The following EVI5L variants were observed in gnomAD, a reference collection of about 807,000 sequenced individuals.
The protein encoded by EVI5L is ecotropic viral integration site 5 like.
EVI5L carries 30 observed loss-of-function variants against 106.1 expected under a neutral mutation model. That is an observed-to-expected ratio of 0.28 (90% CI 0.21 to 0.38). The LOEUF (loss-of-function observed/expected upper bound fraction) is 0.38. Among genes scored for constraint, EVI5L ranks in the 10% least tolerant of loss-of-function variants. The probability of loss-of-function intolerance (pLI) is 1.00; values close to 1 mark genes in which losing one functional copy is unlikely to be tolerated. For missense variants in EVI5L, 809 were observed against 1,098.0 expected, an observed-to-expected ratio of 0.74 and a Z score of 3.72; for synonymous variants, 489 against 483.3, an observed-to-expected ratio of 1.01 and a Z score of -0.15.
intron 1 of EVI5L, among the ~76,000 whole-genome samples, chr19:7,840,402 C>T (rs1224834875): frequency 2.6e-5 from 4 of 152,074 alleles, no homozygotes; most frequent in South Asian, 2.1e-4. Context: ...TGCTTGAACC[C>T]GGGAGGTGGA....
chr19:7,859,179 A>G (rs1599578431), intron 13 of EVI5L: 1 of 143,598 alleles, frequency 7.0e-6, no homozygotes, highest in Middle Eastern at 3.5e-3. Context: ...TGACAGAGCA[A>G]GACTCCATCT....
At position 7,849,067 on chromosome 19, in the gene EVI5L, C is replaced by A. The variant is rs1457659109; in HGVS notation, c.474C>A (p.Ile158=). ...GCGAGAAGCTGATCCGCAGGGACAT[C>A]GCCCGCACCTACCCGGAACATGAGT... ...SPCEKLIRRD[I]ARTYPEHEFF... is the part of the protein sequence containing the mutation. Residue 158 remains isoleucine (I), a synonymous_variant, in exon 4 of 20, where the codon ATC becomes ATA. Coordinates refer to ENST00000538904, the MANE Select transcript of EVI5L (RefSeq NM_001159944.3). The A allele has an allele frequency of 1.2e-6, 2 of 1,612,402 alleles. No homozygotes were observed. Among genetic ancestry groups the A allele is most frequent in the East Asian group, 4.5e-5 (2 of 44,818 alleles).
At position 7,858,607 on chromosome 19, in the gene EVI5L, G is replaced by C. The variant is rs184373801; in HGVS notation, c.1374+276G>C. 4.0e-6 allele frequency: 2 copies of C among 495,662 alleles called. No homozygotes were observed. Among genetic ancestry groups the C allele is most frequent in the Non-Finnish European group, 7.2e-6 (2 of 278,970 alleles). The allele number at this position is 495,662 out of a possible 1,614,324, so 30.7% of individuals were successfully genotyped here. ...CTCAGCACGGAGGCCTCTGAAGACC[G>C]GGCTGTCCCTGCAGGGTTTCCTCTG... On this transcript the variant is annotated intron_variant, in intron 13 of 19. Coordinates refer to ENST00000538904, the MANE Select transcript of EVI5L (RefSeq NM_001159944.3). This position sits in a 1 kb window ranked among gnomAD's most constrained non-coding sequence, Gnocchi z 5.7.
At position 7,844,511 on chromosome 19, in the gene EVI5L, C is replaced by G. The variant is rs1390445024; in HGVS notation, c.-47-1985C>G. Among the ~76,000 whole-genome samples, 4 of 152,306 alleles carry G rather than the reference C, an allele frequency of 2.6e-5. No individual in the cohort carries two copies. In the East Asian group the frequency reaches 7.7e-4, roughly 29 times the overall value. On this transcript the variant is annotated intron_variant, in intron 1 of 19. Coordinates refer to ENST00000538904, the MANE Select transcript of EVI5L (RefSeq NM_001159944.3). ...CCACCTCCTCCCCATTCTCCCAGCT[C>G]TGAAGCTACCCTCCCAGCCCCTCCC...
At chr19:7,853,400 A>G in intron 10 of EVI5L, 67 bp downstream of exon 10, 7 of 1,559,182 alleles carry the variant, frequency 4.5e-6, no homozygotes, top group South Asian at 1.2e-5. Flanking sequence ...TCCGTACTCT[A>G]AAGATCGGCC....
At chr19:7,837,014 A>G (rs1978369289) in intron 1 of EVI5L, among the ~76,000 whole-genome samples, 1 of 151,912 alleles carries the variant, frequency 6.6e-6, no homozygotes, top group Non-Finnish European at 1.5e-5. Context: ...CCTGGGCAGC[A>G]GAGTGAGACC....
rs180885665 is a variant in EVI5L at position 7,832,471 on chromosome 19, T to C, written c.-48+2090T>C. On this transcript the variant is annotated intron_variant, in intron 1 of 19. Transcript: ENST00000538904. ...GCTCATTGCGGCTCAGTACCTCAAC[T>C]TCCCCATCGGAAACTGGGGTGCGGG... Among the ~76,000 whole-genome samples the C allele has an allele frequency of 8.5e-3, 1,298 of 152,322 alleles. 16 individuals carry two copies. The highest frequency in any genetic ancestry group is 0.012 in the Non-Finnish European group (843 of 68,030).
intron 1 of EVI5L, among the ~76,000 whole-genome samples, chr19:7,833,435 C>G (rs1219335950): frequency 6.6e-6 from 1 of 152,264 alleles, no homozygotes; most frequent in Non-Finnish European, 1.5e-5. Context: ...CAGCACGCGC[C>G]CTTGCCATCC....
intron 14 of EVI5L, among the ~76,000 whole-genome samples, 167 bp from the exon 15 acceptor site, chr19:7,861,711 C>T (rs1464958350): frequency 1.3e-5 from 2 of 152,242 alleles, no homozygotes; most frequent in East Asian, 3.9e-4. Context: ...CAACCGGGTT[C>T]CACAGGCGAG....
In EVI5L at chr19:7,848,897, C is replaced by A; in HGVS notation, c.328-24C>A. On this transcript the variant is annotated intron_variant, in intron 3 of 19. Coordinates refer to ENST00000538904, the MANE Select transcript of EVI5L (RefSeq NM_001159944.3). This position sits in a 1 kb window ranked among gnomAD's most constrained non-coding sequence, Gnocchi z 4.8. ...GGCTGCGCTGGGACCGAGTCCAGCC[C>A]CCGCTTCCCGCTCCCGTGGCCAGGA... The A allele has an allele frequency of 6.3e-7, 1 of 1,598,920 alleles. No homozygotes were observed. The highest frequency in any genetic ancestry group is 1.7e-5 in the Admixed American group (1 of 59,572).
In EVI5L at chr19:7,853,079, C is replaced by T. The variant is rs371830480; in HGVS notation, c.988-7C>T. 4.2e-5 allele frequency: 68 copies of T among 1,613,484 alleles called. No homozygotes were observed. Among genetic ancestry groups the T allele is most frequent in the Non-Finnish European group, 5.3e-5 (63 of 1,179,992 alleles). Reference sequence around the variant, plus strand: ...TGGTGACCAGGTGACCGGCTGTGTCCCCACAGTACTTCCAGAGAGTGATCC... The same window carrying T: ...TGGTGACCAGGTGACCGGCTGTGTCTCCACAGTACTTCCAGAGAGTGATCC... On this transcript the variant is annotated splice_region_variant and splice_polypyrimidine_tract_variant and intron_variant, in intron 8 of 19. Transcript: ENST00000538904.
At chr19:7,853,567 C>G (rs1161457250) in intron 10 of EVI5L, 1 of 597,536 alleles carries the variant, frequency 1.7e-6, no homozygotes, top group East Asian at 2.8e-5. Flanking sequence ...CCCTGCCCCG[C>G]TGGGCCGCCC....
At position 7,845,754 on chromosome 19, in the gene EVI5L, C is replaced by T. The variant is rs544652135; in HGVS notation, c.-47-742C>T. Among the ~76,000 whole-genome samples the T allele has an allele frequency of 1.2e-4, 19 of 152,284 alleles. 2 individuals carry two copies. Among genetic ancestry groups the T allele is most frequent in the Admixed American group, 5.9e-4 (9 of 15,304 alleles). On this transcript the variant is annotated intron_variant, in intron 1 of 19. Coordinates refer to ENST00000538904, the MANE Select transcript of EVI5L (RefSeq NM_001159944.3). The surrounding 1 kb of genome is among the most constrained non-coding windows in gnomAD (Gnocchi z 4.0). Reference sequence around the variant, plus strand: ...GTGTCCTTGAAGCCCCCAGAAGGGTCGGGCCAGATGACACGGCAAAAAGAT... The same window carrying T: ...GTGTCCTTGAAGCCCCCAGAAGGGTTGGGCCAGATGACACGGCAAAAAGAT...
intron 1 of EVI5L, among the ~76,000 whole-genome samples, chr19:7,844,926 A>G (rs1319958363): frequency 6.6e-6 from 1 of 152,204 alleles, no homozygotes; most frequent in African/African-American, 2.4e-5. Flanking sequence ...GCCAGGGTCA[A>G]GTCCATCCAA....
intron 1 of EVI5L, among the ~76,000 whole-genome samples, chr19:7,843,043 G>A (rs1978724243): frequency 6.7e-6 from 1 of 148,886 alleles, no homozygotes; most frequent in African/African-American, 2.5e-5. Flanking sequence ...TGAGAGAATA[G>A]GCATGGCTGT....
At chr19:7,843,774 G>A (rs1427635678) in intron 1 of EVI5L, among the ~76,000 whole-genome samples, 2 of 152,010 alleles carry the variant, frequency 1.3e-5, no homozygotes, top group East Asian at 3.8e-4. Context: ...GTGAATGTGT[G>A]TACATGCGTG....
rs1040174495 is a variant in EVI5L, at chr19:7,852,979, C to G, written c.988-107C>G. 2.8e-6 allele frequency: 3 copies of G among 1,054,268 alleles called. No homozygotes were observed. The African/African-American group carries it at 4.7e-5, about 17-fold the overall frequency. The allele number at this position is 1,054,268 out of a possible 1,614,324, so 65.3% of individuals were successfully genotyped here. A position where few individuals can be genotyped will look rare whatever the true frequency, so the allele number is the denominator to read the frequency against. On this transcript the variant is annotated intron_variant, in intron 8 of 19. Transcript: ENST00000538904. Reference sequence around the variant, plus strand: ...CACGGCGTTGAGGACATGGCGACACCCCGGGCAGACCCGTTCCTGCCCCCC... The same window carrying G: ...CACGGCGTTGAGGACATGGCGACACGCCGGGCAGACCCGTTCCTGCCCCCC...
chr19:7,863,489 G>C lies in EVI5L; in HGVS notation c.2205G>C (p.Ala735=), dbSNP rs1325750153. 6.3e-7 allele frequency: 1 copy of C among 1,578,690 alleles called. No individual in the cohort carries two copies. The highest frequency in any genetic ancestry group is 1.2e-5 in the South Asian group (1 of 86,508). ...DPLAFDGLSL[A]RHLDEDSLPS... ...TGGCTTTCGATGGGCTGAGCCTGGC[G>C]CGGCACTTGGACGAGGACTCGCTGC... The change falls in exon 20 of 20, where the codon GCG becomes GCC. Residue 735 remains alanine (A), a synonymous_variant. Coordinates refer to ENST00000538904, the MANE Select transcript of EVI5L (RefSeq NM_001159944.3). This position sits in a 1 kb window ranked among gnomAD's most constrained non-coding sequence, Gnocchi z 7.7.
intron 10 of EVI5L, chr19:7,853,685 C>A (rs761564080): frequency 1.5e-5 from 5 of 322,830 alleles, no homozygotes; most frequent in South Asian, 1.5e-4. Flanking sequence ...GCAGAGGCTC[C>A]GGGCCCAGGG....
Sources: allele counts gnomAD v4.1 joint callset (sites outside exome capture counted in the v4.1 genomes callset), GRCh38; gene constraint gnomAD v4.1.1; non-coding constraint Gnocchi (gnomAD v3.1); transcripts MANE v1.5; gene names NCBI Gene and HGNC (gene_info 2026-07-23, HGNC 2026-07-21).